The following PRKG1 variants were observed in gnomAD, a reference collection of about 807,000 sequenced individuals.
PRKG1 encodes protein kinase cGMP-dependent 1.
A neutral mutation model predicts 88.1 loss-of-function variants in PRKG1; 35 were observed. The ratio of observed to expected loss-of-function variants is 0.40; its 90% CI spans 0.30 to 0.53. The LOEUF is 0.53. Among genes scored for constraint, PRKG1 ranks in the 20% least tolerant of loss-of-function variants. The pLI, the probability that PRKG1 is intolerant of heterozygous loss-of-function variation, is 0.59. For synonymous variants in PRKG1, 303 were observed against 292.5 expected, an observed-to-expected ratio of 1.04 and a Z score of -0.37; for missense variants, 540 against 839.8, an observed-to-expected ratio of 0.64 and a Z score of 4.41.
chr10:51,822,682 G>A (rs1019898152), intron 4 of PRKG1, among the ~76,000 whole-genome samples: 12 of 152,132 alleles, frequency 7.9e-5, no homozygotes, highest in Admixed American at 2.6e-4. Context: ...CTAGATGAGA[G>A]TGCCTAGCTC....
chr10:51,971,176 A>G (rs1170202721), intron 5 of PRKG1, among the ~76,000 whole-genome samples: 1 of 151,972 alleles, frequency 6.6e-6, no homozygotes, highest in East Asian at 1.9e-4. Flanking sequence ...GGGTGTAGTG[A>G]TGGACAAAAT....
chr10:51,934,197 T>C (rs1222173443), intron 5 of PRKG1, among the ~76,000 whole-genome samples: 1 of 151,310 alleles, frequency 6.6e-6, no homozygotes, highest in East Asian at 1.9e-4. Context: ...ATCAGAGTAA[T>C]CATTGGAAAA....
At chr10:51,185,267 A>T (rs1030602635) in intron 2 of PRKG1, among the ~76,000 whole-genome samples, 1 of 152,132 alleles carries the variant, frequency 6.6e-6, no homozygotes, top group Non-Finnish European at 1.5e-5. Flanking sequence ...AGAAATATTT[A>T]TAAGAATCTA....
At chr10:51,754,307 G>GCCTAT (rs1320863679) in intron 3 of PRKG1, among the ~76,000 whole-genome samples, 2 of 152,050 alleles carry the variant, frequency 1.3e-5, no homozygotes, top group Admixed American at 1.3e-4. Flanking sequence ...TCACTTTTGC[G>GCCTAT]CCTATTGATA....
intron 3 of PRKG1, among the ~76,000 whole-genome samples, chr10:51,620,540 C>T (rs1440169503): frequency 2.0e-5 from 3 of 151,806 alleles, no homozygotes; most frequent in African/African-American, 7.3e-5. Flanking sequence ...GACTTAAAGC[C>T]CTGTGTTTTT....
chr10:51,960,342 T>G (rs1391990484), intron 5 of PRKG1, among the ~76,000 whole-genome samples: 1 of 152,158 alleles, frequency 6.6e-6, no homozygotes, highest in East Asian at 1.9e-4. Context: ...TTTAACAGAC[T>G]TTGGAAACAA....
chr10:51,426,377 T>C (rs1177629195), intron 2 of PRKG1, among the ~76,000 whole-genome samples: 1 of 152,158 alleles, frequency 6.6e-6, no homozygotes, highest in Non-Finnish European at 1.5e-5. Context: ...AGCACTGCAT[T>C]AGGCACCAGG....
At chr10:51,139,941 T>C (rs1845783546) in intron 1 of PRKG1, among the ~76,000 whole-genome samples, 1 of 152,228 alleles carries the variant, frequency 6.6e-6, no homozygotes, top group Non-Finnish European at 1.5e-5. Context: ...TTTCTCACCA[T>C]CTGCAAGACC....
At chr10:51,090,433 T>C (rs2339678) in intron 1 of PRKG1, among the ~76,000 whole-genome samples, 76,564 of 151,838 alleles carry the variant, frequency 0.5, 20,505 homozygotes, top group South Asian at 0.67. Context: ...GTGGGATAAC[T>C]GTGGGCAAGA....
At chr10:52,070,037 T>G (rs1173002115) in intron 7 of PRKG1, among the ~76,000 whole-genome samples, 1 of 152,192 alleles carries the variant, frequency 6.6e-6, no homozygotes, top group African/African-American at 2.4e-5. Flanking sequence ...TAATATTAAG[T>G]GTGTTAAACT....
chr10:51,546,679 G>T (rs189744053), intron 3 of PRKG1, among the ~76,000 whole-genome samples: 90 of 152,036 alleles, frequency 5.9e-4, no homozygotes, highest in African/African-American at 2.1e-3. Flanking sequence ...AGATTTTTAT[G>T]CATAATGAAT....
intron 2 of PRKG1, among the ~76,000 whole-genome samples, chr10:51,308,412 AG>A (rs1235337926): frequency 6.6e-6 from 1 of 152,160 alleles, no homozygotes; most frequent in Non-Finnish European, 1.5e-5. Context: ...ACTACATTGC[AG>A]GGATTTTGCA....
chr10:52,212,008 T>C (rs1338594486), intron 9 of PRKG1, among the ~76,000 whole-genome samples: 1 of 152,238 alleles, frequency 6.6e-6, no homozygotes, highest in Non-Finnish European at 1.5e-5. Flanking sequence ...TAAAACATTT[T>C]TATTACTGTT....
intron 1 of PRKG1, among the ~76,000 whole-genome samples, chr10:51,093,545 A>G (rs1302753219): frequency 6.6e-6 from 1 of 151,720 alleles, no homozygotes; most frequent in East Asian, 1.9e-4. Context: ...GTTTTATGGT[A>G]TACTATAGGT....
chr10:51,504,060 C>G (rs10997827), intron 3 of PRKG1, among the ~76,000 whole-genome samples: 47,857 of 151,992 alleles, frequency 0.31, 7,946 homozygotes, highest in Non-Finnish European at 0.38. Context: ...TTGGGATAAT[C>G]ACTGCTTTCT....
chr10:51,153,917 G>A (rs1846141514), intron 2 of PRKG1, among the ~76,000 whole-genome samples: 1 of 151,980 alleles, frequency 6.6e-6, no homozygotes, highest in South Asian at 2.1e-4. Context: ...TGTGTAATAT[G>A]TTTTATGCCT....
At chr10:51,373,151 G>A (rs1235786880) in intron 2 of PRKG1, among the ~76,000 whole-genome samples, 2 of 152,214 alleles carry the variant, frequency 1.3e-5, no homozygotes, top group East Asian at 3.9e-4. Flanking sequence ...TTAAAATAGA[G>A]ATTCTAGACT....
At position 51,809,933 on chromosome 10, in the gene PRKG1, C is replaced by T. The variant is rs567917335; in HGVS notation, c.698+5243C>T. 2.0e-5 allele frequency among the ~76,000 whole-genome samples: 3 copies of T among 152,258 alleles called. No homozygotes were observed. In the South Asian group the frequency reaches 6.2e-4, roughly 32 times the overall value. ...TTCTCTCATCCTCCCTTGTCCCAGT[C>T]ACAGGTACTGTTTCATCTCCTTAGA... is the stretch of plus-strand genomic sequence containing the variant. On this transcript the variant is annotated intron_variant, in intron 4 of 17. Coordinates refer to ENST00000373980, the MANE Select transcript of PRKG1 (RefSeq NM_006258.4).
chr10:51,852,172 T>C (rs1840571940), intron 4 of PRKG1, among the ~76,000 whole-genome samples: 1 of 148,944 alleles, frequency 6.7e-6, no homozygotes, highest in African/African-American at 2.5e-5. Flanking sequence ...ATAACATATA[T>C]GTTATATATA....
Sources: allele counts gnomAD v4.1 joint callset (sites outside exome capture counted in the v4.1 genomes callset), GRCh38; gene constraint gnomAD v4.1.1; transcripts MANE v1.5; gene names NCBI Gene and HGNC (gene_info 2026-07-23, HGNC 2026-07-21).